Variants in VAV3 observed in about 807,000 individuals in gnomAD.
VAV3 encodes the protein guanine nucleotide exchange factor VAV3.
Under a neutral mutation model 131.2 loss-of-function variants are expected in VAV3, and 94 were observed. That is an observed-to-expected ratio of 0.72 (90% CI 0.61 to 0.85). The LOEUF (loss-of-function observed/expected upper bound fraction) is 0.85, where lower values mean the gene tolerates loss of function less well. Ranked by LOEUF, VAV3 falls within the 40% of genes least tolerant of loss-of-function variation. VAV3 has a pLI of 0.00. For synonymous variants in VAV3, 349 were observed against 342.0 expected, an observed-to-expected ratio of 1.02 and a Z score of -0.22; for missense variants, 939 against 1,002.7, an observed-to-expected ratio of 0.94 and a Z score of 0.86.
intron 1 of VAV3, among the ~76,000 whole-genome samples, chr1:107,952,645 A>G (rs534181614): frequency 6.6e-6 from 1 of 151,870 alleles, no homozygotes; most frequent in South Asian, 2.1e-4. Context: ...ACCAAACTTT[A>G]GCCATGCCCA....
chr1:107,903,955 C>T (rs1350831170), intron 1 of VAV3, among the ~76,000 whole-genome samples: 1 of 152,168 alleles, frequency 6.6e-6, no homozygotes, highest in Admixed American at 6.5e-5. Context: ...GCCTACCACT[C>T]CCATGCCCTC....
chr1:107,907,695 T>C (rs1263308276), intron 1 of VAV3, among the ~76,000 whole-genome samples: 1 of 152,048 alleles, frequency 6.6e-6, no homozygotes, highest in Non-Finnish European at 1.5e-5. Flanking sequence ...GCGCTCTCTC[T>C]CTCTCTCTCA....
chr1:107,694,730 G>T (rs1239052489), intron 17 of VAV3, among the ~76,000 whole-genome samples: 1 of 152,146 alleles, frequency 6.6e-6, no homozygotes, highest in Non-Finnish European at 1.5e-5. Context: ...CAGAAGCCCT[G>T]CTACACTACA....
intron 1 of VAV3, among the ~76,000 whole-genome samples, chr1:107,920,558 C>A (rs1179194380): frequency 6.6e-6 from 1 of 152,164 alleles, no homozygotes; most frequent in Non-Finnish European, 1.5e-5. Context: ...GTTTCCAAAT[C>A]AGGAAATTCT....
intron 1 of VAV3, among the ~76,000 whole-genome samples, chr1:107,900,017 A>G (rs1671778664): frequency 6.6e-6 from 1 of 152,118 alleles, no homozygotes; most frequent in African/African-American, 2.4e-5. Context: ...AGCATACTTA[A>G]TATATATCAG....
intron 22 of VAV3, among the ~76,000 whole-genome samples, chr1:107,603,969 A>G (rs1652071018): frequency 6.8e-6 from 1 of 145,996 alleles, no homozygotes; most frequent in Non-Finnish European, 1.5e-5. Context: ...ATTTTTCAAA[A>G]CCAGAATTCA....
At chr1:107,740,764 T>C (rs1294590623) in intron 15 of VAV3, among the ~76,000 whole-genome samples, 1 of 152,306 alleles carries the variant, frequency 6.6e-6, no homozygotes, top group East Asian at 1.9e-4. Flanking sequence ...ACGGGCCAAA[T>C]ACAACCACTA....
chr1:107,645,060 C>A (rs1655639304), intron 19 of VAV3, among the ~76,000 whole-genome samples: 1 of 151,864 alleles, frequency 6.6e-6, no homozygotes, highest in African/African-American at 2.4e-5. Context: ...TCTATCTTTT[C>A]TGGTATTGCT....
intron 15 of VAV3, among the ~76,000 whole-genome samples, chr1:107,707,615 C>T (rs1373839105): frequency 3.3e-5 from 5 of 152,170 alleles, no homozygotes; most frequent in Non-Finnish European, 5.9e-5. Context: ...TGAGAATCTC[C>T]AGCACAACGA....
At chr1:107,713,822 C>CCT (rs1660930053) in intron 15 of VAV3, among the ~76,000 whole-genome samples, 1 of 152,024 alleles carries the variant, frequency 6.6e-6, no homozygotes, top group Admixed American at 6.5e-5. Context: ...CTATGAGGGG[C>CCT]CTTTCAGGAC....
chr1:107,631,089 C>G (rs187054187), intron 20 of VAV3, among the ~76,000 whole-genome samples: 37 of 152,140 alleles, frequency 2.4e-4, no homozygotes, highest in African/African-American at 7.5e-4. Flanking sequence ...TTAAATCATA[C>G]ACTAATTTGT....
At chr1:107,954,461 TCTAACACCC>T (rs199880370) in intron 1 of VAV3, among the ~76,000 whole-genome samples, 293 of 152,174 alleles carry the variant, frequency 1.9e-3, no homozygotes, top group African/African-American at 6.5e-3. Context: ...CTGTCAAAAG[TCTAACACCC>T]ATTTTATACT....
At chr1:107,877,462 A>C (rs1387396228) in intron 1 of VAV3, among the ~76,000 whole-genome samples, 1 of 152,184 alleles carries the variant, frequency 6.6e-6, no homozygotes, top group African/African-American at 2.4e-5. Flanking sequence ...ACTTCCATAA[A>C]GTGCTTTGAT....
chr1:107,682,111 G>GC (rs1658677350), intron 19 of VAV3, among the ~76,000 whole-genome samples: 3 of 152,034 alleles, frequency 2.0e-5, no homozygotes. Context: ...GTATAAATCT[G>GC]TTTTATTGTT....
At chr1:107,611,621 C>CA (rs959865085) in intron 21 of VAV3, among the ~76,000 whole-genome samples, 16 of 138,944 alleles carry the variant, frequency 1.2e-4, no homozygotes, top group Admixed American at 6.4e-4. Flanking sequence ...AACAAACAAA[C>CA]AAAAAAAAGG....
chr1:107,794,252 C>T (rs562306338), intron 2 of VAV3, among the ~76,000 whole-genome samples: 1 of 152,326 alleles, frequency 6.6e-6, no homozygotes, highest in Admixed American at 6.5e-5. Flanking sequence ...CTGGTTTCCA[C>T]TGAGGAATTT....
At chr1:107,798,497 T>C (rs1314640734) in intron 2 of VAV3, among the ~76,000 whole-genome samples, 3 of 151,694 alleles carry the variant, frequency 2.0e-5, no homozygotes, top group Non-Finnish European at 4.4e-5. Context: ...GGTGGGCGGA[T>C]CATGAGGTCA....
chr1:107,785,417 A>C (rs759265049), intron 2 of VAV3: 6 of 1,326,756 alleles, frequency 4.5e-6, no homozygotes, highest in Non-Finnish European at 6.0e-6. Context: ...CAGTAACAAC[A>C]ACCTGGGTTC....
At chr1:107,735,796 T>TC (rs1469400333) in intron 15 of VAV3, among the ~76,000 whole-genome samples, 1 of 152,180 alleles carries the variant, frequency 6.6e-6, no homozygotes, top group Non-Finnish European at 1.5e-5. Flanking sequence ...GGTGGTACAT[T>TC]CCTTCTGAAA....
Sources: gnomAD v4.1 joint callset for allele counts (sites outside exome capture counted in the v4.1 genomes callset) on GRCh38, gnomAD v4.1.1 for gene constraint, MANE v1.5 for transcripts, NCBI Gene and HGNC (gene_info 2026-07-23, HGNC 2026-07-21) for gene names.